WWOX: variants seen among roughly 807,000 people sequenced by gnomAD.
The protein encoded by WWOX is WW domain-containing oxidoreductase.
In WWOX, 69 loss-of-function variants were observed where a neutral mutation model predicts 46.2. That is an observed-to-expected ratio of 1.49 (90% CI 1.23 to 1.82). The LOEUF (loss-of-function observed/expected upper bound fraction) is 1.82. Ranked by LOEUF, WWOX falls within the 40% of genes most tolerant of loss-of-function variation. The probability of loss-of-function intolerance (pLI) is 0.00; values close to 1 mark genes in which losing one functional copy is unlikely to be tolerated. For synonymous variants in WWOX, 359 were observed against 202.6 expected (o/e 1.77, Z -6.56); for missense variants, 919 against 542.6 (o/e 1.69, Z -6.89).
chr16:78,675,508 A>G (rs2047575309), intron 8 of WWOX, among the ~76,000 whole-genome samples: 1 of 152,296 alleles, frequency 6.6e-6, no homozygotes, highest in Middle Eastern at 3.4e-3. Flanking sequence ...ACTTACAACT[A>G]GTGACTCATT....
At chr16:79,009,731 G>A (rs1397918182) in intron 8 of WWOX, among the ~76,000 whole-genome samples, 1 of 152,142 alleles carries the variant, frequency 6.6e-6, no homozygotes, top group African/African-American at 2.4e-5. Context: ...GATTACAGGT[G>A]TGAGCCACCG....
chr16:78,880,739 A>G (rs973192426), intron 8 of WWOX, among the ~76,000 whole-genome samples: 7 of 152,188 alleles, frequency 4.6e-5, no homozygotes, highest in African/African-American at 9.7e-5. Context: ...TTTTTTGACA[A>G]CACTACCTTT....
In WWOX at chr16:78,425,031, T is replaced by C. The variant is rs775895501; in HGVS notation, c.767T>C (p.Ile256Thr). ...VLCRSAPARV[I>T]VVSSESHRFT... ...TGCCGCTCAGCTCCTGCCCGTGTCA[T>C]TGTGGTCTCCTCAGAGTCCCATCGG... Residue 256 changes from isoleucine to threonine, a missense_variant, in exon 7 of 9, where the codon ATT (isoleucine) becomes ACT (threonine). Transcript: ENST00000566780. The C allele has an allele frequency of 2.5e-6, 4 of 1,613,956 alleles. No homozygotes were observed. In the Admixed American group the frequency reaches 5.0e-5, roughly 20 times the overall value.
intron 8 of WWOX, among the ~76,000 whole-genome samples, chr16:78,867,505 T>TG (rs545904765): frequency 9.6e-4 from 146 of 151,760 alleles, no homozygotes; most frequent in Non-Finnish European, 1.9e-3. Context: ...TGTGTGTGTG[T>TG]GTGTGTATGT....
chr16:78,695,976 C>G (rs943444122), intron 8 of WWOX, among the ~76,000 whole-genome samples: 1 of 152,106 alleles, frequency 6.6e-6, no homozygotes, highest in Non-Finnish European at 1.5e-5. Context: ...TGGGCCCCGC[C>G]CCAGACCTCC....
At chr16:78,177,735 C>G (rs1481034591) in intron 5 of WWOX, among the ~76,000 whole-genome samples, 1 of 152,190 alleles carries the variant, frequency 6.6e-6, no homozygotes, top group Non-Finnish European at 1.5e-5. Flanking sequence ...GGTGGTGATA[C>G]AGTCCATACT....
chr16:78,492,957 T>A (rs1383315903), intron 8 of WWOX, among the ~76,000 whole-genome samples: 2 of 152,170 alleles, frequency 1.3e-5, no homozygotes, highest in Non-Finnish European at 2.9e-5. Context: ...AGCATACTAC[T>A]CCAAGTAGTC....
intron 8 of WWOX, among the ~76,000 whole-genome samples, chr16:78,778,702 G>C (rs1226075439): frequency 6.6e-6 from 1 of 152,166 alleles, no homozygotes; most frequent in Non-Finnish European, 1.5e-5. Context: ...TTGAGTTCAA[G>C]GGAAGGTTTG....
At chr16:78,193,921 A>T (rs1314191209) in intron 5 of WWOX, among the ~76,000 whole-genome samples, 2 of 150,636 alleles carry the variant, frequency 1.3e-5, no homozygotes, top group African/African-American at 4.9e-5. Context: ...ACTGTCGCCC[A>T]GGCTGGAGTG....
chr16:78,113,066 C>T (rs975099948), intron 3 of WWOX, among the ~76,000 whole-genome samples: 5 of 152,166 alleles, frequency 3.3e-5, no homozygotes, highest in African/African-American at 1.2e-4. Context: ...TTTGCCTTTG[C>T]ATTCACGCTT....
intron 8 of WWOX, among the ~76,000 whole-genome samples, chr16:78,851,212 G>C (rs2052435068): frequency 6.6e-6 from 1 of 152,098 alleles, no homozygotes; most frequent in African/African-American, 2.4e-5. Context: ...TTTCTGTTAG[G>C]TACAGACTCT....
chr16:78,776,782 A>C (rs886429314), intron 8 of WWOX, among the ~76,000 whole-genome samples: 2 of 152,178 alleles, frequency 1.3e-5, no homozygotes, highest in Non-Finnish European at 2.9e-5. Context: ...CAAGAGGGGC[A>C]GGGAGGGAGA....
At chr16:78,390,691 G>T (rs1378093064) in intron 6 of WWOX, among the ~76,000 whole-genome samples, 1 of 152,194 alleles carries the variant, frequency 6.6e-6, no homozygotes, top group Non-Finnish European at 1.5e-5. Context: ...ACAACTGTCA[G>T]AAGTGAATTT....
At chr16:78,422,363 T>G (rs1427960298) in intron 6 of WWOX, among the ~76,000 whole-genome samples, 1 of 151,838 alleles carries the variant, frequency 6.6e-6, no homozygotes, top group Admixed American at 6.6e-5. Context: ...GTGTCTTTTT[T>G]TTGATTTGGA....
intron 8 of WWOX, chr16:78,535,729 A>C (rs1178764385): frequency 6.6e-6 from 1 of 152,198 alleles, no homozygotes; most frequent in East Asian, 1.9e-4. Flanking sequence ...GTTACAATGT[A>C]TGTTCACGAA....
chr16:79,109,015 C>G (rs2150650737), intron 8 of WWOX, among the ~76,000 whole-genome samples: 1 of 152,020 alleles, frequency 6.6e-6, no homozygotes, highest in East Asian at 1.9e-4. Flanking sequence ...ATGAGCTTGG[C>G]AGATGCAAGC....
At chr16:78,634,705 TAAA>T (rs60805816) in intron 8 of WWOX, among the ~76,000 whole-genome samples, 56 of 133,396 alleles carry the variant, frequency 4.2e-4, no homozygotes, top group African/African-American at 1.2e-3. Context: ...GACTCTGTGT[TAAA>T]AAAAAAAAAA....
chr16:78,659,461 G>T (rs151144484), intron 8 of WWOX, among the ~76,000 whole-genome samples: 6 of 152,202 alleles, frequency 3.9e-5, no homozygotes, highest in East Asian at 3.9e-4. Context: ...TGGGAGTAGG[G>T]CTCAGCAATC....
intron 5 of WWOX, among the ~76,000 whole-genome samples, chr16:78,200,652 A>G (rs2036201237): frequency 6.7e-6 from 1 of 149,278 alleles, no homozygotes; most frequent in Non-Finnish European, 1.5e-5. Flanking sequence ...GGCCCTGGGG[A>G]ATTTTTGTTA....
Sources: allele counts gnomAD v4.1 joint callset (sites outside exome capture counted in the v4.1 genomes callset), GRCh38; gene constraint gnomAD v4.1.1; transcripts MANE v1.5; gene names NCBI Gene and HGNC (gene_info 2026-07-23, HGNC 2026-07-21).